The following DOCK10 variants were observed in gnomAD, a reference collection of about 807,000 sequenced individuals.
The protein encoded by DOCK10 is dedicator of cytokinesis protein 10.
Under a neutral mutation model 280.1 loss-of-function variants are expected in DOCK10, and 145 were observed. The observed-to-expected ratio is 0.52, with a 90% CI of 0.45 to 0.59. The LOEUF (loss-of-function observed/expected upper bound fraction) is 0.59, where lower values mean the gene tolerates loss of function less well. DOCK10 is among the 20% of genes least tolerant of loss of function. DOCK10 has a pLI of 0.00. For synonymous variants in DOCK10, 915 were observed against 942.2 expected (o/e 0.97, Z 0.53); for missense variants, 2,368 against 2,651.7 (o/e 0.89, Z 2.35).
At chr2:224,906,664 A>C (rs1373722688) in intron 3 of DOCK10, among the ~76,000 whole-genome samples, 1 of 152,178 alleles carries the variant, frequency 6.6e-6, no homozygotes, top group African/African-American at 2.4e-5. Flanking sequence ...TATTTTTAGT[A>C]GAGACAGGGT....
intron 3 of DOCK10, among the ~76,000 whole-genome samples, chr2:224,910,669 G>A (rs1700957162): frequency 6.6e-6 from 1 of 152,168 alleles, no homozygotes; most frequent in Admixed American, 6.5e-5. Context: ...ATTAGCAATT[G>A]GGGTCAAGAC....
chr2:224,972,461 G>A (rs940934763), intron 1 of DOCK10, among the ~76,000 whole-genome samples: 2 of 152,100 alleles, frequency 1.3e-5, no homozygotes, highest in African/African-American at 4.8e-5. Flanking sequence ...CTTTGATTGA[G>A]TACCTATTGG....
At chr2:224,969,460 G>A (rs771036786) in intron 1 of DOCK10, among the ~76,000 whole-genome samples, 17 of 152,148 alleles carry the variant, frequency 1.1e-4, no homozygotes, top group Non-Finnish European at 2.2e-4. Context: ...AAAAGAAGAC[G>A]AATTTGTGAT....
At position 224,788,703 on chromosome 2, in the gene DOCK10, T is replaced by G. The variant is rs534023674; in HGVS notation, c.5418+361A>C. On this transcript the variant is annotated intron_variant, in intron 48 of 55. Coordinates refer to ENST00000258390, the MANE Select transcript of DOCK10 (RefSeq NM_014689.3). Reference sequence around the variant, plus strand: ...ACAGAAGGTTTTCTAAAGAAACTAGTGAACTTTTACGTCCACCTGCATTTG... The same window carrying G: ...ACAGAAGGTTTTCTAAAGAAACTAGGGAACTTTTACGTCCACCTGCATTTG... Among the ~76,000 whole-genome samples the G allele has an allele frequency of 7.2e-5, 11 of 152,326 alleles. No homozygotes were observed. The South Asian group carries it at 2.3e-3, about 32-fold the overall frequency.
intron 1 of DOCK10, among the ~76,000 whole-genome samples, chr2:225,023,020 A>G (rs562492721): frequency 6.6e-6 from 1 of 152,292 alleles, no homozygotes; most frequent in South Asian, 2.1e-4. Flanking sequence ...AAATTAAACA[A>G]ATTTCCTCCT....
chr2:224,807,816 C>A (rs763925707), intron 32 of DOCK10, 32 bp from the exon 33 acceptor site: 1 of 1,565,040 alleles, frequency 6.4e-7, no homozygotes, highest in Non-Finnish European at 8.7e-7. Flanking sequence ...AGAAATGATT[C>A]ATGTAAAAAT....
intron 1 of DOCK10, among the ~76,000 whole-genome samples, chr2:224,944,544 T>G (rs976637220): frequency 1.3e-5 from 2 of 152,196 alleles, no homozygotes; most frequent in African/African-American, 4.8e-5. Context: ...TAGGTATTAT[T>G]ATAAGCATTT....
At chr2:224,972,652 T>C in intron 1 of DOCK10, among the ~76,000 whole-genome samples, 1 of 152,344 alleles carries the variant, frequency 6.6e-6, no homozygotes, top group African/African-American at 2.4e-5. Context: ...TTAAAATGCA[T>C]TCTCTCTCAC....
chr2:224,766,468 G>A (rs180759435), intron 55 of DOCK10, among the ~76,000 whole-genome samples: 213 of 152,212 alleles, frequency 1.4e-3, no homozygotes, highest in African/African-American at 4.9e-3. Flanking sequence ...AGATAGAATC[G>A]CTACTTCTGT....
chr2:224,791,997 A>AACT (rs1383819707), intron 47 of DOCK10, among the ~76,000 whole-genome samples: 1 of 152,226 alleles, frequency 6.6e-6, no homozygotes, highest in African/African-American at 2.4e-5. Context: ...AACCAGTGTT[A>AACT]TCAAAGAGAC....
chr2:224,832,775 C>T (rs1695319374), intron 26 of DOCK10, among the ~76,000 whole-genome samples: 1 of 152,136 alleles, frequency 6.6e-6, no homozygotes, highest in South Asian at 2.1e-4. Context: ...CAGACTCCTA[C>T]CCCTCTCCAT....
At chr2:224,792,950 T>A in intron 47 of DOCK10, 24 bp downstream of exon 47, 1 of 1,549,536 alleles carries the variant, frequency 6.5e-7, no homozygotes, top group South Asian at 1.1e-5. Context: ...TGCATTGGGA[T>A]AAATGAGCAG....
At chr2:225,001,989 G>A (rs527586635) in intron 1 of DOCK10, among the ~76,000 whole-genome samples, 1 of 152,310 alleles carries the variant, frequency 6.6e-6, no homozygotes, top group South Asian at 2.1e-4. Context: ...GGGGGAGATG[G>A]TAAGGCGACA....
chr2:224,830,323 T>C (rs1483905885), intron 27 of DOCK10, among the ~76,000 whole-genome samples: 2 of 152,210 alleles, frequency 1.3e-5, no homozygotes, highest in African/African-American at 4.8e-5. Flanking sequence ...TTCCCTCCAA[T>C]ACATCTTTTG....
intron 37 of DOCK10, 71 bp downstream of exon 37, chr2:224,804,987 T>G: frequency 1.4e-6 from 2 of 1,385,202 alleles, no homozygotes; most frequent in Non-Finnish European, 2.0e-6. Context: ...GTTCTTGAAA[T>G]GAAACATGGT....
chr2:225,034,593 C>T (rs1157077807), intron 1 of DOCK10, among the ~76,000 whole-genome samples: 1 of 152,160 alleles, frequency 6.6e-6, no homozygotes, highest in East Asian at 1.9e-4. Flanking sequence ...TCGGCCCACC[C>T]TTCTGACTTT....
At chr2:224,874,454 G>T in intron 9 of DOCK10, 105 bp from the exon 10 acceptor site, 1 of 970,742 alleles carries the variant, frequency 1.0e-6, no homozygotes, top group Non-Finnish European at 1.6e-6. Flanking sequence ...CACCATTTTA[G>T]TATTACCCAT....
At chr2:225,018,885 A>G (rs56364433) in intron 1 of DOCK10, among the ~76,000 whole-genome samples, 22,269 of 147,284 alleles carry the variant, frequency 0.15, 2,365 homozygotes, top group Non-Finnish European at 0.21. Flanking sequence ...ATATCATTAT[A>G]TATGTGTATA....
At chr2:224,840,483 A>G (rs925765635) in intron 23 of DOCK10, among the ~76,000 whole-genome samples, 1 of 152,244 alleles carries the variant, frequency 6.6e-6, no homozygotes, top group Non-Finnish European at 1.5e-5. Flanking sequence ...AAGAGGGTGT[A>G]CAAATGGCCA....
Sources: gnomAD v4.1 joint callset for allele counts (sites outside exome capture counted in the v4.1 genomes callset) on GRCh38, gnomAD v4.1.1 for gene constraint, MANE v1.5 for transcripts, NCBI Gene and HGNC (gene_info 2026-07-23, HGNC 2026-07-21) for gene names.